The following GLRA1 variants were observed in gnomAD, a reference collection of about 807,000 sequenced individuals.
The protein encoded by GLRA1 is glycine receptor subunit alpha-1.
In GLRA1, 37 loss-of-function variants were observed where a neutral mutation model predicts 48.3. The observed-to-expected ratio is 0.77, with a 90% CI of 0.59 to 1.01. The LOEUF (loss-of-function observed/expected upper bound fraction) is 1.01, where lower values mean the gene tolerates loss of function less well. GLRA1 is among the 50% of genes least tolerant of loss of function. GLRA1 has a pLI of 0.00. For missense variants in GLRA1, 427 were observed against 571.0 expected (o/e 0.75, Z 2.57); for synonymous variants, 196 against 210.7 (o/e 0.93, Z 0.60).
At chr5:151,911,772 A>AT (rs530136649) in intron 1 of GLRA1, among the ~76,000 whole-genome samples, 48 of 150,544 alleles carry the variant, frequency 3.2e-4, no homozygotes, top group African/African-American at 1.1e-3. Flanking sequence ...CACCTGGCTA[A>AT]TTTTTTTTTG....
chr5:151,892,144 C>T (rs941874361), intron 2 of GLRA1, among the ~76,000 whole-genome samples, 167 bp downstream of exon 2: 2 of 152,178 alleles, frequency 1.3e-5, no homozygotes, highest in Non-Finnish European at 1.5e-5. Context: ...TTTGTCTGGG[C>T]TTGGTGGGAG....
At chr5:151,919,726 G>A (rs894800269) in intron 1 of GLRA1, among the ~76,000 whole-genome samples, 2 of 152,220 alleles carry the variant, frequency 1.3e-5, no homozygotes, top group African/African-American at 4.8e-5. Flanking sequence ...CTGAGAGCCA[G>A]AAAGGTCATA....
chr5:151,878,907 G>A (rs1229270523), intron 3 of GLRA1, among the ~76,000 whole-genome samples: 1 of 152,240 alleles, frequency 6.6e-6, no homozygotes, highest in Non-Finnish European at 1.5e-5. Flanking sequence ...GAAATGTGGG[G>A]TTGAAGCCCC....
At chr5:151,924,188 C>A (rs1257669555) in intron 1 of GLRA1, among the ~76,000 whole-genome samples, 4 of 152,144 alleles carry the variant, frequency 2.6e-5, no homozygotes, top group Admixed American at 2.6e-4. Flanking sequence ...TGCAGTGGGG[C>A]TGGGGACCAA....
At chr5:151,833,347 A>G (rs1473248755) in intron 7 of GLRA1, among the ~76,000 whole-genome samples, 2 of 152,220 alleles carry the variant, frequency 1.3e-5, no homozygotes, top group African/African-American at 4.8e-5. Flanking sequence ...TAAAAGACAC[A>G]GACTGGCAAA....
intron 8 of GLRA1, among the ~76,000 whole-genome samples, chr5:151,826,461 A>T (rs936453536): frequency 7.2e-5 from 11 of 152,210 alleles, no homozygotes; most frequent in Non-Finnish European, 1.0e-4. Flanking sequence ...ATAAGAACTC[A>T]TGGTGGTATG....
At chr5:151,840,496 T>C (rs1018877836) in intron 7 of GLRA1, among the ~76,000 whole-genome samples, 5 of 152,176 alleles carry the variant, frequency 3.3e-5, no homozygotes, top group Non-Finnish European at 7.3e-5. Flanking sequence ...ATGTAAATTA[T>C]ACGAAATCGC....
At chr5:151,906,964 C>A (rs1754486936) in intron 1 of GLRA1, among the ~76,000 whole-genome samples, 2 of 152,202 alleles carry the variant, frequency 1.3e-5, no homozygotes, top group African/African-American at 4.8e-5. Flanking sequence ...AGCCATCCAA[C>A]AATGGAAGAA....
intron 1 of GLRA1, among the ~76,000 whole-genome samples, chr5:151,918,206 A>G (rs1754785500): frequency 1.3e-5 from 2 of 152,168 alleles, no homozygotes; most frequent in African/African-American, 4.8e-5. Context: ...TCTCCCCAGC[A>G]TCTCTGGGCA....
chr5:151,885,233 G>C (rs1288827296), intron 3 of GLRA1, among the ~76,000 whole-genome samples: 2 of 152,190 alleles, frequency 1.3e-5, no homozygotes, highest in Non-Finnish European at 2.9e-5. Flanking sequence ...AATTGATTTG[G>C]TTTATTTATT....
intron 7 of GLRA1, among the ~76,000 whole-genome samples, chr5:151,836,620 C>T (rs10071492): frequency 0.38 from 57,294 of 151,940 alleles, 11,055 homozygotes; most frequent in South Asian, 0.45. Flanking sequence ...TATAGACCAA[C>T]GGAACAGAAC....
At chr5:151,855,199 G>T in intron 5 of GLRA1, 22 bp from the exon 6 acceptor site, 1 of 1,613,186 alleles carries the variant, frequency 6.2e-7, no homozygotes, top group Non-Finnish European at 8.5e-7. Context: ...TCAGAAGAAG[G>T]AGCAGTCACC....
chr5:151,877,251 A>C (rs1753648516), intron 3 of GLRA1, among the ~76,000 whole-genome samples: 1 of 152,210 alleles, frequency 6.6e-6, no homozygotes, highest in Non-Finnish European at 1.5e-5. Flanking sequence ...ACCTGGGGGA[A>C]AGCAGTCCCG....
intron 1 of GLRA1, among the ~76,000 whole-genome samples, chr5:151,924,082 G>A (rs1280032431): frequency 2.6e-5 from 4 of 152,186 alleles, no homozygotes; most frequent in Non-Finnish European, 5.9e-5. Context: ...GAAAGCTGAG[G>A]TTTTCGGCAC....
At chr5:151,831,766 G>A (rs970467080) in intron 7 of GLRA1, among the ~76,000 whole-genome samples, 1 of 152,212 alleles carries the variant, frequency 6.6e-6, no homozygotes, top group Non-Finnish European at 1.5e-5. Flanking sequence ...TCTGAAGAGA[G>A]CAGTGGATCT....
intron 7 of GLRA1, among the ~76,000 whole-genome samples, chr5:151,834,463 C>T (rs1050409810): frequency 6.6e-6 from 1 of 152,162 alleles, no homozygotes; most frequent in African/African-American, 2.4e-5. Flanking sequence ...ATCTCTGGGA[C>T]ACATCTAAAG....
intron 7 of GLRA1, among the ~76,000 whole-genome samples, chr5:151,837,572 C>T (rs1331747609): frequency 2.6e-5 from 4 of 152,054 alleles, no homozygotes; most frequent in East Asian, 1.9e-4. Context: ...CAAATGGCCA[C>T]CAATGATAGA....
intron 3 of GLRA1, among the ~76,000 whole-genome samples, chr5:151,882,593 A>G (rs898089863): frequency 6.6e-6 from 1 of 152,214 alleles, no homozygotes; most frequent in African/African-American, 2.4e-5. Context: ...TGAGCACTGC[A>G]GAGAGCATCA....
chr5:151,865,048 G>T (rs1467894121), intron 3 of GLRA1, among the ~76,000 whole-genome samples: 3 of 152,148 alleles, frequency 2.0e-5, no homozygotes, highest in Non-Finnish European at 4.4e-5. Flanking sequence ...AAGAAGTTAG[G>T]CTAGATGGTC....
Sources: gnomAD v4.1 joint callset for allele counts (sites outside exome capture counted in the v4.1 genomes callset) on GRCh38, gnomAD v4.1.1 for gene constraint, MANE v1.5 for transcripts, NCBI Gene and HGNC (gene_info 2026-07-23, HGNC 2026-07-21) for gene names.